Variants in MARK4 observed in about 807,000 individuals in gnomAD.
The protein encoded by MARK4 is microtubule affinity regulating kinase 4.
Under a neutral mutation model 81.5 loss-of-function variants are expected in MARK4, and 19 were observed. That is an observed-to-expected ratio of 0.23 (90% confidence interval 0.16 to 0.34). The LOEUF is 0.34. MARK4 is among the 10% of genes least tolerant of loss of function. MARK4 has a pLI of 1.00. For missense variants in MARK4, 772 were observed against 1,058.8 expected (o/e 0.73, Z 3.76); for synonymous variants, 436 against 439.0 (o/e 0.99, Z 0.08).
At chr19:45,261,704 C>T (rs1051270319) in intron 2 of MARK4, among the ~76,000 whole-genome samples, 6 of 152,092 alleles carry the variant, frequency 3.9e-5, no homozygotes, top group Non-Finnish European at 8.8e-5. Flanking sequence ...GAGGCTCAGG[C>T]AGGCGGATCA....
chr19:45,278,680 T>C, intron 10 of MARK4, 65 bp downstream of exon 10: 1 of 1,210,622 alleles, frequency 8.3e-7, no homozygotes, highest in Non-Finnish European at 1.2e-6. Context: ...CTCGGCTCAC[T>C]GCAACCTCCG....
intron 8 of MARK4, 93 bp from the exon 9 acceptor site, chr19:45,277,821 GGTTGTGTGT>G (rs1309361099): frequency 4.7e-6 from 6 of 1,288,502 alleles, no homozygotes; most frequent in East Asian, 5.2e-5. Context: ...TTGGGACAAA[GGTTGTGTGT>G]GTGTGTGTGT....
At chr19:45,283,717 A>C (rs1014322843) in intron 12 of MARK4, among the ~76,000 whole-genome samples, 2 of 152,156 alleles carry the variant, frequency 1.3e-5, no homozygotes, top group Non-Finnish European at 2.9e-5. Context: ...GCTGTTGTGA[A>C]TGATGCTGCT....
chr19:45,294,298 C>G (rs538940966), intron 13 of MARK4, 51 bp from the exon 14 acceptor site: 1 of 1,547,344 alleles, frequency 6.5e-7, no homozygotes, highest in Non-Finnish European at 8.9e-7. Flanking sequence ...GGGAGAAGCT[C>G]AGGGGCATGT....
rs1384384355 is a variant in MARK4 at position 45,302,829 on chromosome 19, T to C, written c.*119T>C. 2.9e-6 allele frequency: 4 copies of C among 1,393,714 alleles called. No individual in the cohort carries two copies. Among genetic ancestry groups the C allele is most frequent in the Non-Finnish European group, 2.9e-6 (3 of 1,046,644 alleles). 86.3% of individuals were successfully genotyped at this position (1,393,714 alleles called of 1,614,324 possible). A position where few individuals can be genotyped will look rare whatever the true frequency, so the allele number is the denominator to read the frequency against. On this transcript the variant is annotated 3_prime_UTR_variant, in exon 17 of 17. Transcript: ENST00000262891. The surrounding 1 kb of genome is among the most constrained non-coding windows in gnomAD (Gnocchi z 4.9). ...TCATCACCTCAGTTTCCCTGAATTA[T>C]ATTTGGGGGCAAAGATTGTCCCCTC... is the stretch of plus-strand genomic sequence containing the variant.
rs536795435 is a variant in MARK4, at chr19:45,287,761, T to C, written c.1494+97T>C. ...CTCATTCCCCAGACGGAACTCCTTC[T>C]TACCAACTCCTTCTTCTACCCATTC... On this transcript the variant is annotated intron_variant, in intron 13 of 16. Coordinates refer to ENST00000262891, the MANE Select transcript of MARK4 (RefSeq NM_001199867.2). 233 of 1,337,964 alleles carry C rather than the reference T, an allele frequency of 1.7e-4. 2 individuals carry two copies. In the African/African-American group the frequency reaches 2.8e-3, roughly 16 times the overall value. The allele number at this position is 1,337,964 out of a possible 1,614,324, so 82.9% of individuals were successfully genotyped here.
chr19:45,293,534 G>T (rs188691082), intron 13 of MARK4, among the ~76,000 whole-genome samples: 200 of 152,298 alleles, frequency 1.3e-3, no homozygotes, highest in African/African-American at 4.7e-3. Flanking sequence ...TCTTGTTAAA[G>T]AAATTGAATT....
intron 12 of MARK4, among the ~76,000 whole-genome samples, chr19:45,286,864 C>T (rs1970749393): frequency 6.6e-6 from 1 of 152,038 alleles, no homozygotes; most frequent in Non-Finnish European, 1.5e-5. Flanking sequence ...CAAATGATAA[C>T]ACATTGTTGA....
intron 12 of MARK4, among the ~76,000 whole-genome samples, chr19:45,286,708 G>A (rs976546506): frequency 4.6e-5 from 7 of 151,754 alleles, no homozygotes; most frequent in Admixed American, 1.3e-4. Flanking sequence ...GTGAGATCCT[G>A]TCTCAATAAA....
chr19:45,291,486 A>C (rs1970819501), intron 13 of MARK4, among the ~76,000 whole-genome samples: 1 of 152,204 alleles, frequency 6.6e-6, no homozygotes, highest in South Asian at 2.1e-4. Flanking sequence ...TCTGTACAAA[A>C]AATACAAAAA....
intron 14 of MARK4, among the ~76,000 whole-genome samples, chr19:45,295,398 A>G (rs1336411353): frequency 2.0e-5 from 3 of 151,496 alleles, no homozygotes; most frequent in Non-Finnish European, 4.4e-5. Flanking sequence ...CTCAGTTCTG[A>G]GTTCGAATCT....
intron 7 of MARK4, among the ~76,000 whole-genome samples, chr19:45,269,471 G>A (rs1391544134): frequency 1.3e-5 from 2 of 152,148 alleles, no homozygotes; most frequent in African/African-American, 2.4e-5. Context: ...TCTTTGTAGG[G>A]TTTGGGCCTT....
At chr19:45,287,768 C>T (rs750673843) in intron 13 of MARK4, 104 bp downstream of exon 13, 3 of 1,273,098 alleles carry the variant, frequency 2.4e-6, no homozygotes, top group African/African-American at 1.5e-5. Flanking sequence ...TTCTTACCAA[C>T]TCCTTCTTCT....
chr19:45,255,047 T>A (rs1348004145), intron 1 of MARK4, among the ~76,000 whole-genome samples: 1 of 151,854 alleles, frequency 6.6e-6, no homozygotes, highest in African/African-American at 2.4e-5. Context: ...CAAAAAAATT[T>A]AAAAATCAGC....
At position 45,278,176 on chromosome 19, in the gene MARK4, AG is replaced by A. The variant is rs372289251; in HGVS notation, c.906+135del. On this transcript the variant is annotated intron_variant, in intron 9 of 16. Transcript: ENST00000262891. ...GCCCACCGAAGATCTGCTGCTGGTG[AG>A]TGGGGGTAGACAGGCCGTCCAGGGA... 3 of 1,323,024 alleles carry A rather than the reference AG, an allele frequency of 2.3e-6. No individual in the cohort carries two copies. The African/African-American group carries it at 4.4e-5, about 20-fold the overall frequency. 82.0% of individuals were successfully genotyped at this position (1,323,024 alleles called of 1,614,324 possible).
intron 12 of MARK4, among the ~76,000 whole-genome samples, chr19:45,284,366 A>G (rs985697179): frequency 1.2e-4 from 17 of 147,122 alleles, no homozygotes; most frequent in African/African-American, 4.3e-4. Context: ...TCCGTTGCCC[A>G]AGCTGGAGTG....
At chr19:45,301,036 T>C (rs1970964305) in intron 16 of MARK4, among the ~76,000 whole-genome samples, 1 of 152,048 alleles carries the variant, frequency 6.6e-6, no homozygotes, top group African/African-American at 2.4e-5. Context: ...CTCTTGCACA[T>C]TGGAGAATGT....
chr19:45,258,363 G>A (rs1970336388), intron 1 of MARK4, among the ~76,000 whole-genome samples: 1 of 152,108 alleles, frequency 6.6e-6, no homozygotes, highest in African/African-American at 2.4e-5. Context: ...TTGCTTTATT[G>A]CGGTGGTCTG....
chr19:45,265,047 GGGT>G, intron 6 of MARK4, 137 bp downstream of exon 6: 1 of 794,608 alleles, frequency 1.3e-6, no homozygotes, highest in Non-Finnish European at 2.1e-6. Context: ...GTGCAGAGCT[GGGT>G]GTGCTGGGCA....
Sources: allele counts gnomAD v4.1 joint callset (sites outside exome capture counted in the v4.1 genomes callset), GRCh38; gene constraint gnomAD v4.1.1; non-coding constraint Gnocchi (gnomAD v3.1); transcripts MANE v1.5; gene names NCBI Gene and HGNC (gene_info 2026-07-23, HGNC 2026-07-21).